SUPT3H: variants seen among roughly 807,000 people sequenced by gnomAD.
The protein encoded by SUPT3H is SPT3 homolog, SAGA and STAGA complex component, also known as transcription initiation protein SPT3 homolog.
Under a neutral mutation model 44.3 loss-of-function variants are expected in SUPT3H, and 44 were observed. The ratio of observed to expected loss-of-function variants is 0.99; its 90% CI spans 0.78 to 1.28. The LOEUF (loss-of-function observed/expected upper bound fraction) is 1.28. Ranked by LOEUF, SUPT3H falls within the 50% of genes most tolerant of loss-of-function variation. The pLI is 0.00. For synonymous variants in SUPT3H, 124 were observed against 125.6 expected, an observed-to-expected ratio of 0.99 and a Z score of 0.09; for missense variants, 380 against 387.1, an observed-to-expected ratio of 0.98 and a Z score of 0.15.
At chr6:45,229,815 T>C (rs1767621306) in intron 2 of SUPT3H, among the ~76,000 whole-genome samples, 1 of 152,174 alleles carries the variant, frequency 6.6e-6, no homozygotes, top group Non-Finnish European at 1.5e-5. Flanking sequence ...ATCTTGACTA[T>C]TTATTATTTT....
chr6:45,190,740 G>A (rs1335977254), intron 2 of SUPT3H, among the ~76,000 whole-genome samples: 1 of 152,034 alleles, frequency 6.6e-6, no homozygotes, highest in Non-Finnish European at 1.5e-5. Flanking sequence ...AAATTCAAAA[G>A]TAAGAAAATA....
chr6:44,916,996 CAAACA>C lies in SUPT3H; in HGVS notation c.912+15652_912+15656del, dbSNP rs1476384350. Among the ~76,000 whole-genome samples, 5 of 151,440 alleles carry C rather than the reference CAAACA, an allele frequency of 3.3e-5. No homozygotes were observed. In the East Asian group the frequency reaches 9.7e-4, roughly 29 times the overall value. Reference sequence around the variant, plus strand: ...AAAAACAAACAAACAAACAAACAAACAAACAAAACTACTTGGGCATGACAGTATAC... The same window carrying C: ...AAAAACAAACAAACAAACAAACAAACAAACTACTTGGGCATGACAGTATAC... On this transcript the variant is annotated intron_variant, in intron 10 of 10. Coordinates refer to ENST00000371459, the MANE Select transcript of SUPT3H (RefSeq NM_003599.4).
chr6:44,939,178 A>T (rs1378325444), intron 9 of SUPT3H, among the ~76,000 whole-genome samples: 7 of 151,952 alleles, frequency 4.6e-5, no homozygotes, highest in Non-Finnish European at 8.8e-5. Context: ...AACTTTTTCC[A>T]CTTCAGTATG....
rs967570955 is a variant in SUPT3H at position 45,170,489 on chromosome 6, C to T, written c.102-64483G>A. Among the ~76,000 whole-genome samples, 12 of 152,252 alleles carry T rather than the reference C, an allele frequency of 7.9e-5. No homozygotes were observed. In the South Asian group the frequency reaches 1.2e-3, roughly 16 times the overall value. On this transcript the variant is annotated intron_variant, in intron 2 of 10. Transcript: ENST00000371459. ...ATGTTCATTGACTGTTGAATACATC[C>T]GCAAATCCCCTGTAGCTGAAATCAG...
intron 2 of SUPT3H, among the ~76,000 whole-genome samples, chr6:45,272,624 G>A (rs1409254431): frequency 6.6e-6 from 1 of 152,154 alleles, no homozygotes; most frequent in Non-Finnish European, 1.5e-5. Context: ...AGAAGAAGCT[G>A]AATCAGGACT....
intron 3 of SUPT3H, among the ~76,000 whole-genome samples, chr6:45,093,270 T>C (rs1161914614): frequency 2.0e-5 from 3 of 152,100 alleles, no homozygotes; most frequent in African/African-American, 7.2e-5. Flanking sequence ...TAGGTTAAAA[T>C]TTTGTAAGTT....
At chr6:45,370,317 T>C (rs966641246) in intron 1 of SUPT3H, among the ~76,000 whole-genome samples, 2 of 152,092 alleles carry the variant, frequency 1.3e-5, no homozygotes, top group African/African-American at 4.8e-5. Context: ...CAGTCAAGGA[T>C]GACCGAATTC....
intron 2 of SUPT3H, among the ~76,000 whole-genome samples, chr6:45,150,844 T>G (rs2153595973): frequency 6.6e-6 from 1 of 151,460 alleles, no homozygotes; most frequent in Non-Finnish European, 1.5e-5. Context: ...TGCCTCAGCT[T>G]CCCAAGTAGC....
At chr6:44,890,600 G>A (rs945256878) in intron 10 of SUPT3H, among the ~76,000 whole-genome samples, 1 of 138,508 alleles carries the variant, frequency 7.2e-6, no homozygotes, top group Admixed American at 7.4e-5. Flanking sequence ...CACACTGTGG[G>A]GACTGTTGTG....
At chr6:44,932,030 A>G (rs1251111446) in intron 10 of SUPT3H, among the ~76,000 whole-genome samples, 1 of 152,144 alleles carries the variant, frequency 6.6e-6, no homozygotes, top group Non-Finnish European at 1.5e-5. Flanking sequence ...AATTTCTCTT[A>G]ACACAAATAA....
intron 10 of SUPT3H, among the ~76,000 whole-genome samples, chr6:44,890,641 G>T (rs527405798): frequency 9.4e-5 from 14 of 148,958 alleles, no homozygotes; most frequent in Non-Finnish European, 1.9e-4. Flanking sequence ...ATAGCATTAG[G>T]AGACGTACCT....
At chr6:44,817,232 GAA>G (rs762104666) in intron 11 of SUPT3H, among the ~76,000 whole-genome samples, 1 of 128,480 alleles carries the variant, frequency 7.8e-6, no homozygotes. Flanking sequence ...CTATCACTGG[GAA>G]AAAAAAAAAA....
intron 11 of SUPT3H, among the ~76,000 whole-genome samples, chr6:44,810,780 C>T (rs1766461468): frequency 6.6e-6 from 1 of 152,052 alleles, no homozygotes. Context: ...GTGGCACATG[C>T]CTGTAGTCCC....
intron 3 of SUPT3H, among the ~76,000 whole-genome samples, chr6:45,099,517 A>G (rs1798256810): frequency 1.3e-5 from 2 of 152,224 alleles, no homozygotes; most frequent in Admixed American, 6.5e-5. Flanking sequence ...ACATGAATAT[A>G]GAAATACATG....
intron 6 of SUPT3H, among the ~76,000 whole-genome samples, chr6:44,991,859 C>A (rs1780663078): frequency 6.6e-6 from 1 of 152,076 alleles, no homozygotes; most frequent in Admixed American, 6.6e-5. Flanking sequence ...AGACAAAAAT[C>A]TTGCCAGAGA....
chr6:45,326,579 GT>G (rs1222441632), intron 2 of SUPT3H, among the ~76,000 whole-genome samples: 1 of 151,934 alleles, frequency 6.6e-6, no homozygotes, highest in South Asian at 2.1e-4. Flanking sequence ...TGTATTTCTG[GT>G]TTTTTATCAC....
At chr6:44,922,760 T>A (rs192629864) in intron 10 of SUPT3H, among the ~76,000 whole-genome samples, 2 of 152,172 alleles carry the variant, frequency 1.3e-5, no homozygotes, top group Non-Finnish European at 2.9e-5. Flanking sequence ...GAAAGAGTCA[T>A]CTATCTGAGT....
chr6:45,028,966 C>T (rs1786486145), intron 3 of SUPT3H, among the ~76,000 whole-genome samples: 1 of 149,432 alleles, frequency 6.7e-6, no homozygotes, highest in Admixed American at 6.7e-5. Context: ...AAGCCAGTGG[C>T]TCCATGCAGA....
intron 8 of SUPT3H, 30 bp from the exon 9 acceptor site, chr6:44,953,447 A>T: frequency 1.3e-6 from 2 of 1,572,140 alleles, no homozygotes; most frequent in Non-Finnish European, 1.8e-6. Context: ...AAAGTCACAT[A>T]GCTAGAAATA....
Sources: gnomAD v4.1 joint callset for allele counts (sites outside exome capture counted in the v4.1 genomes callset) on GRCh38, gnomAD v4.1.1 for gene constraint, MANE v1.5 for transcripts, NCBI Gene and HGNC (gene_info 2026-07-23, HGNC 2026-07-21) for gene names.